CHN2: variants seen among roughly 807,000 people sequenced by gnomAD.
The protein encoded by CHN2 is beta-chimaerin.
Under a neutral mutation model 56.3 loss-of-function variants are expected in CHN2, and 35 were observed. That is an observed-to-expected ratio of 0.62 (90% confidence interval 0.47 to 0.82). CHN2 has a LOEUF of 0.82. CHN2 is among the 40% of genes least tolerant of loss of function. The probability of loss-of-function intolerance (pLI) is 0.00; values close to 1 mark genes in which losing one functional copy is unlikely to be tolerated. For missense variants in CHN2, 491 were observed against 580.5 expected, an observed-to-expected ratio of 0.85 and a Z score of 1.58; for synonymous variants, 210 against 212.8, an observed-to-expected ratio of 0.99 and a Z score of 0.12.
chr7:29,410,166 A>G (rs563633911), intron 6 of CHN2, among the ~76,000 whole-genome samples: 3 of 152,344 alleles, frequency 2.0e-5, no homozygotes, highest in Non-Finnish European at 4.4e-5. Flanking sequence ...GGACTTTTAA[A>G]TAATTTATTC....
intron 1 of CHN2, among the ~76,000 whole-genome samples, chr7:29,310,186 G>A (rs1794484086): frequency 6.6e-6 from 1 of 152,008 alleles, no homozygotes; most frequent in South Asian, 2.1e-4. Context: ...TGTATCAACA[G>A]GAATGTTCAG....
At chr7:29,331,953 A>G (rs1303119811) in intron 1 of CHN2, among the ~76,000 whole-genome samples, 3 of 150,634 alleles carry the variant, frequency 2.0e-5, no homozygotes, top group African/African-American at 7.3e-5. Flanking sequence ...TGGAGATTGC[A>G]GTGAGCCAAG....
chr7:29,222,225 T>C (rs1293875087), intron 1 of CHN2, among the ~76,000 whole-genome samples: 2 of 152,078 alleles, frequency 1.3e-5, no homozygotes, highest in African/African-American at 4.8e-5. Context: ...CACAAACAAA[T>C]GGAAAAAGAT....
At chr7:29,212,573 C>T (rs770064042) in intron 1 of CHN2, 1 of 1,437,786 alleles carries the variant, frequency 7.0e-7, no homozygotes, top group Non-Finnish European at 9.8e-7. Context: ...AGACGAGGTC[C>T]CAGTCAAGAA....
chr7:29,321,570 CTTTTT>C (rs59651474), intron 1 of CHN2, among the ~76,000 whole-genome samples: 4 of 128,186 alleles, frequency 3.1e-5, no homozygotes, highest in African/African-American at 5.9e-5. Context: ...TTCTTTCTTT[CTTTTT>C]TTTTTTTTTT....
In CHN2 at chr7:29,513,918, T is replaced by C. The variant is rs1164193967; in HGVS notation, c.*1183T>C. 6.5e-6 allele frequency: 1 copy of C among 152,674 alleles called. No homozygotes were observed. The highest frequency in any genetic ancestry group is 1.5e-5 in the Non-Finnish European group (1 of 68,042). 9.5% of individuals were successfully genotyped at this position (152,674 alleles called of 1,614,324 possible). A position where few individuals can be genotyped will look rare whatever the true frequency, so the allele number is the denominator to read the frequency against. On this transcript the variant is annotated 3_prime_UTR_variant, in exon 13 of 13. Coordinates refer to ENST00000222792, the MANE Select transcript of CHN2 (RefSeq NM_004067.4). The stretch of plus-strand genomic sequence containing the variant: ...ACCAAGATTTCTATATTTTGTAACA[T>C]AGGTGAAATATTTAAAACATCAAAA...
intron 1 of CHN2, 93 bp downstream of exon 1, chr7:29,195,083 C>A (rs1029264883): frequency 2.2e-6 from 3 of 1,348,794 alleles, no homozygotes; most frequent in Non-Finnish European, 3.0e-6. Flanking sequence ...CTACCTGTGG[C>A]CATCCCGCCC....
At chr7:29,228,159 T>C (rs536385910) in intron 1 of CHN2, among the ~76,000 whole-genome samples, 1,885 of 147,126 alleles carry the variant, frequency 0.013, 20 homozygotes, top group African/African-American at 0.031. Context: ...TATATATATA[T>C]ACACACACAC....
intron 6 of CHN2, among the ~76,000 whole-genome samples, chr7:29,430,937 G>A (rs1782809913): frequency 6.6e-6 from 1 of 152,108 alleles, no homozygotes; most frequent in Admixed American, 6.6e-5. Context: ...AAGTGAACAA[G>A]GAGCCATAAT....
At position 29,182,525 on chromosome 7, in the gene CHN2, C is replaced by G. The variant is rs140096724; in HGVS notation, c.274+35565C>G. Among the ~76,000 whole-genome samples, 267 of 152,334 alleles carry G rather than the reference C, an allele frequency of 1.8e-3. 1 individual carries two copies. The highest frequency in any genetic ancestry group is 6.2e-3 in the African/African-American group (256 of 41,570). On this transcript the variant is annotated intron_variant, in intron 2 of 6. Transcript: ENST00000439384. ...TATTTAACTACTTGACAAGTTTAGT[C>G]TGTATTACCCACGTTAAGCCTCCTA...
intron 1 of CHN2, among the ~76,000 whole-genome samples, chr7:29,264,218 C>T (rs1176846242): frequency 1.3e-5 from 2 of 149,410 alleles, no homozygotes; most frequent in African/African-American, 2.5e-5. Context: ...GCCCGGCCAC[C>T]ACCCCGTCTG....
At chr7:29,459,905 C>G (rs1785027656) in intron 6 of CHN2, among the ~76,000 whole-genome samples, 1 of 152,160 alleles carries the variant, frequency 6.6e-6, no homozygotes, top group Non-Finnish European at 1.5e-5. Flanking sequence ...AGGAGCAGGA[C>G]GGGGAGGAGG....
chr7:29,270,462 C>T (rs1426864009), intron 1 of CHN2, among the ~76,000 whole-genome samples: 3 of 147,136 alleles, frequency 2.0e-5, no homozygotes, highest in Non-Finnish European at 3.0e-5. Context: ...CAAGACCAGC[C>T]TGGCCCACAT....
intron 1 of CHN2, among the ~76,000 whole-genome samples, chr7:29,331,809 C>A (rs1396088572): frequency 6.6e-6 from 1 of 152,072 alleles, no homozygotes; most frequent in Non-Finnish European, 1.5e-5. Flanking sequence ...CGCCTGTAAT[C>A]CCAGCACTTT....
intron 6 of CHN2, among the ~76,000 whole-genome samples, chr7:29,427,451 G>A (rs961401658): frequency 6.6e-6 from 1 of 152,064 alleles, no homozygotes; most frequent in Admixed American, 6.5e-5. Context: ...GGCATAATCA[G>A]GGGAGTAACT....
At chr7:29,151,470 A>T (rs1166618563) in intron 2 of CHN2, among the ~76,000 whole-genome samples, 3 of 152,200 alleles carry the variant, frequency 2.0e-5, no homozygotes, top group Admixed American at 6.5e-5. Flanking sequence ...AGGATAAATT[A>T]TGGGATTAAT....
At chr7:29,384,172 G>A (rs1310804287) in intron 3 of CHN2, among the ~76,000 whole-genome samples, 1 of 152,148 alleles carries the variant, frequency 6.6e-6, no homozygotes, top group African/African-American at 2.4e-5. Flanking sequence ...AGTCTACCCA[G>A]GTCTCCAGAA....
intron 3 of CHN2, chr7:29,376,541 G>A (rs145247796): frequency 3.3e-5 from 5 of 152,310 alleles, no homozygotes; most frequent in East Asian, 1.9e-4. Context: ...GTGTTTTAGC[G>A]AGCTCTTCAG....
At chr7:29,293,362 G>GACCC (rs1792812098) in intron 1 of CHN2, among the ~76,000 whole-genome samples, 1 of 53,116 alleles carries the variant, frequency 1.9e-5, no homozygotes. Flanking sequence ...GGCAGCTAAT[G>GACCC]CCCCCCCCCC....
Sources: gnomAD v4.1 joint callset for allele counts (sites outside exome capture counted in the v4.1 genomes callset) on GRCh38, gnomAD v4.1.1 for gene constraint, MANE v1.5 for transcripts, NCBI Gene and HGNC (gene_info 2026-07-23, HGNC 2026-07-21) for gene names.